EGFLAM: variants seen among roughly 807,000 people sequenced by gnomAD.
The protein encoded by EGFLAM is EGF like, fibronectin type III and laminin G domains, also known as pikachurin.
EGFLAM carries 79 observed loss-of-function variants against 113.1 expected under a neutral mutation model. The observed-to-expected ratio is 0.70, with a 90% CI of 0.58 to 0.84. The LOEUF is 0.84. EGFLAM is among the 40% of genes least tolerant of loss of function. EGFLAM has a pLI of 0.00. For missense variants in EGFLAM, 1,265 were observed against 1,291.6 expected (o/e 0.98, Z 0.32); for synonymous variants, 504 against 487.6 (o/e 1.03, Z -0.44).
At chr5:38,389,844 C>G (rs1740764584) in intron 6 of EGFLAM, among the ~76,000 whole-genome samples, 1 of 152,150 alleles carries the variant, frequency 6.6e-6, no homozygotes, top group Admixed American at 6.6e-5. Flanking sequence ...TCTGACAGAA[C>G]TTCTCAAGTT....
rs943746721 is a variant in EGFLAM, at chr5:38,270,062, T to G, written c.97+11211T>G. 8.2e-4 allele frequency among the ~76,000 whole-genome samples: 125 copies of G among 152,200 alleles called. 11 individuals carry two copies. Among genetic ancestry groups the G allele is most frequent in the Non-Finnish European group, 8.8e-5 (6 of 68,034 alleles). ...AGAAGACACGCTCTTCAACCAGGCT[T>G]CACTTAGAAAGACTCCATGCGTGTC... On this transcript the variant is annotated intron_variant, in intron 1 of 21. Transcript: ENST00000322350.
chr5:38,431,106 C>T (rs1283427699), intron 14 of EGFLAM, 71 bp from the exon 15 acceptor site: 6 of 1,313,376 alleles, frequency 4.6e-6, no homozygotes, highest in Middle Eastern at 1.8e-4. Context: ...TAATGTTGTA[C>T]CAGCTATCTG....
chr5:38,438,254 T>C (rs969295696), intron 16 of EGFLAM, 21 bp from the exon 17 acceptor site: 2 of 1,597,346 alleles, frequency 1.3e-6, no homozygotes, highest in African/African-American at 2.7e-5. Context: ...CCTGAATTTC[T>C]TTATGTTTTT....
chr5:38,376,067 T>C (rs183289604), intron 6 of EGFLAM, among the ~76,000 whole-genome samples: 2,235 of 152,184 alleles, frequency 0.015, 27 homozygotes, highest in Middle Eastern at 0.027. Context: ...ATTTTTTTTT[T>C]CCCTGCAAGA....
chr5:38,428,237 A>G (rs1252486974), intron 14 of EGFLAM, among the ~76,000 whole-genome samples: 2 of 152,254 alleles, frequency 1.3e-5, no homozygotes, highest in Admixed American at 1.3e-4. Flanking sequence ...TCATGTTTAA[A>G]AAGAGTATGT....
chr5:38,337,529 G>A lies in EGFLAM; in HGVS notation c.107G>A (p.Gly36Glu), dbSNP rs769186445. Reference protein sequence around the residue: ...RAAIRKPGKVGPPLDIKLGAL... With the variant: ...RAAIRKPGKVEPPLDIKLGAL... ...TTTTGTTTGGGGGCAGGCAAGGTAG[G>A]GCCTCCTCTTGACATCAAGCTGGGC... Residue 36 changes from glycine (G) to glutamate (E), a missense_variant, in exon 2 of 22, where the codon GGG becomes GAG. Physicochemically the swap from Gly to Glu is moderately conservative, Grantham distance 98. Coordinates refer to ENST00000322350, the MANE Select transcript of EGFLAM (RefSeq NM_152403.4). The A allele has an allele frequency of 1.9e-6, 3 of 1,598,734 alleles. No homozygotes were observed. The East Asian group carries it at 6.7e-5, about 36-fold the overall frequency.
chr5:38,268,145 A>T lies in EGFLAM; in HGVS notation c.97+9294A>T, dbSNP rs139180488. Among the ~76,000 whole-genome samples, 144 of 152,306 alleles carry T rather than the reference A, an allele frequency of 9.5e-4. 2 individuals are homozygous for T. Among genetic ancestry groups the T allele is most frequent in the Middle Eastern group, 3.4e-3 (1 of 294 alleles). On this transcript the variant is annotated intron_variant, in intron 1 of 21. Coordinates refer to ENST00000322350, the MANE Select transcript of EGFLAM (RefSeq NM_152403.4). ...TTGATGTATCTCTCTCAGCAGATAC[A>T]AGCAGTTGCTTGTATTAATTAGGGT...
intron 14 of EGFLAM, among the ~76,000 whole-genome samples, chr5:38,430,365 A>G (rs568093119): frequency 6.6e-6 from 1 of 152,340 alleles, no homozygotes; most frequent in African/African-American, 2.4e-5. Context: ...CCATTTCACC[A>G]GACTCACTGA....
At chr5:38,375,877 A>G (rs533423478) in intron 6 of EGFLAM, among the ~76,000 whole-genome samples, 2 of 152,330 alleles carry the variant, frequency 1.3e-5, no homozygotes, top group East Asian at 3.9e-4. Flanking sequence ...TTTAGTGTCT[A>G]GGTCCTCTAA....
chr5:38,345,564 A>G (rs1339885821), intron 3 of EGFLAM: 2 of 152,218 alleles, frequency 1.3e-5, no homozygotes, highest in Non-Finnish European at 2.9e-5. Context: ...ATTTTGCAGC[A>G]AAGCACTCAG....
chr5:38,442,303 T>C (rs1335629436), intron 17 of EGFLAM, among the ~76,000 whole-genome samples: 3 of 148,324 alleles, frequency 2.0e-5, no homozygotes, highest in African/African-American at 7.3e-5. Flanking sequence ...AAAATTAATA[T>C]ACTAAATTTT....
chr5:38,326,575 T>C (rs1400291480), intron 1 of EGFLAM, among the ~76,000 whole-genome samples: 1 of 151,582 alleles, frequency 6.6e-6, no homozygotes, highest in African/African-American at 2.4e-5. Context: ...CTCAGCTCAC[T>C]GCAAGCTCTG....
intron 6 of EGFLAM, among the ~76,000 whole-genome samples, chr5:38,378,359 C>A (rs1052227641): frequency 6.6e-6 from 1 of 152,150 alleles, no homozygotes; most frequent in South Asian, 2.1e-4. Context: ...GCCTGGAGAC[C>A]AGTTACAGCA....
At chr5:38,260,951 T>C (rs1387957496) in intron 1 of EGFLAM, among the ~76,000 whole-genome samples, 1 of 152,224 alleles carries the variant, frequency 6.6e-6, no homozygotes, top group Non-Finnish European at 1.5e-5. Context: ...TGGGAGTTTC[T>C]TTGTACCTTG....
chr5:38,357,247 C>T (rs1232289447), intron 5 of EGFLAM, among the ~76,000 whole-genome samples: 1 of 152,106 alleles, frequency 6.6e-6, no homozygotes, highest in Non-Finnish European at 1.5e-5. Flanking sequence ...CACAGTGAGA[C>T]CCTGTCTCAT....
chr5:38,350,969 G>A (rs1739605454), intron 4 of EGFLAM, among the ~76,000 whole-genome samples: 1 of 152,156 alleles, frequency 6.6e-6, no homozygotes, highest in Non-Finnish European at 1.5e-5. Flanking sequence ...AGATTTATAG[G>A]CAAAGAGAAT....
chr5:38,441,458 T>C (rs1252103031), intron 17 of EGFLAM, among the ~76,000 whole-genome samples: 2 of 152,176 alleles, frequency 1.3e-5, no homozygotes, highest in Non-Finnish European at 1.5e-5. Flanking sequence ...TTTCTTTACT[T>C]GCATCCAGTG....
intron 6 of EGFLAM, among the ~76,000 whole-genome samples, chr5:38,385,932 T>A (rs1462797285): frequency 1.3e-5 from 2 of 152,256 alleles, no homozygotes; most frequent in Non-Finnish European, 2.9e-5. Flanking sequence ...GCCTAGGATC[T>A]ATGGTATAGC....
intron 12 of EGFLAM, among the ~76,000 whole-genome samples, chr5:38,420,994 G>A (rs1276305482): frequency 2.0e-5 from 3 of 152,188 alleles, no homozygotes; most frequent in African/African-American, 7.2e-5. Context: ...TAAGAGTGGG[G>A]CTGATTATCC....
Sources: allele counts gnomAD v4.1 joint callset (sites outside exome capture counted in the v4.1 genomes callset), GRCh38; gene constraint gnomAD v4.1.1; transcripts MANE v1.5; gene names NCBI Gene and HGNC (gene_info 2026-07-23, HGNC 2026-07-21).